The following PRKCB variants were observed in gnomAD, a reference collection of about 807,000 sequenced individuals.
The protein encoded by PRKCB is protein kinase C beta type.
Under a neutral mutation model 81.5 loss-of-function variants are expected in PRKCB, and 13 were observed. The observed-to-expected ratio is 0.16, with a 90% CI of 0.10 to 0.25. The LOEUF (loss-of-function observed/expected upper bound fraction) is 0.25, where lower values mean the gene tolerates loss of function less well. PRKCB is among the 10% of genes least tolerant of loss of function. PRKCB has a pLI of 1.00. For synonymous variants in PRKCB, 335 were observed against 321.4 expected (o/e 1.04, Z -0.45); for missense variants, 509 against 875.7 (o/e 0.58, Z 5.29).
chr16:24,116,227 A>G (rs1273526566), intron 8 of PRKCB, among the ~76,000 whole-genome samples: 1 of 152,068 alleles, frequency 6.6e-6, no homozygotes, highest in Non-Finnish European at 1.5e-5. Flanking sequence ...GAAAGAAACA[A>G]ACTATCAAGT....
chr16:24,210,602 G>C (rs916493666), intron 16 of PRKCB, among the ~76,000 whole-genome samples: 2 of 151,624 alleles, frequency 1.3e-5, no homozygotes, highest in Admixed American at 6.6e-5. Context: ...GGGCTCAAGT[G>C]ATCCCCCCAC....
intron 9 of PRKCB, among the ~76,000 whole-genome samples, chr16:24,131,750 T>C (rs573762908): frequency 6.6e-5 from 10 of 152,332 alleles, no homozygotes. Flanking sequence ...TATATATTTA[T>C]TTTAATGTGT....
intron 9 of PRKCB, among the ~76,000 whole-genome samples, chr16:24,147,501 C>T (rs1054441343): frequency 6.6e-6 from 1 of 152,036 alleles, no homozygotes; most frequent in Admixed American, 6.5e-5. Context: ...CATGAATGCA[C>T]ACCAAGCTCA....
At chr16:24,147,280 C>A (rs1242782653) in intron 9 of PRKCB, among the ~76,000 whole-genome samples, 3 of 143,688 alleles carry the variant, frequency 2.1e-5, no homozygotes, top group Middle Eastern at 3.8e-3. Flanking sequence ...TGCACTCCAG[C>A]CTGGGCAACA....
intron 5 of PRKCB, among the ~76,000 whole-genome samples, chr16:24,081,525 C>T (rs1412685181): frequency 6.6e-6 from 1 of 152,118 alleles, no homozygotes; most frequent in East Asian, 1.9e-4. Context: ...TCATCCTCCC[C>T]AGTCCTATTC....
At chr16:23,877,979 A>G (rs2141105484) in intron 2 of PRKCB, among the ~76,000 whole-genome samples, 1 of 152,166 alleles carries the variant, frequency 6.6e-6, no homozygotes, top group East Asian at 1.9e-4. Context: ...GACTACAGGC[A>G]TGCACCACCA....
intron 2 of PRKCB, among the ~76,000 whole-genome samples, chr16:23,906,475 T>G (rs1175243268): frequency 6.6e-6 from 1 of 152,182 alleles, no homozygotes; most frequent in Non-Finnish European, 1.5e-5. Context: ...AAAAAGTGAT[T>G]TATTATGGAT....
intron 5 of PRKCB, among the ~76,000 whole-genome samples, chr16:24,087,582 T>G (rs1966324055): frequency 1.3e-5 from 2 of 152,212 alleles, no homozygotes; most frequent in African/African-American, 4.8e-5. Context: ...AAAGCAAGAC[T>G]CACAATATTG....
chr16:24,030,790 C>T (rs1031808188), intron 3 of PRKCB, among the ~76,000 whole-genome samples: 6 of 151,570 alleles, frequency 4.0e-5, no homozygotes, highest in Non-Finnish European at 5.9e-5. Flanking sequence ...CCCAGCTACT[C>T]GGGAGGCTGA....
chr16:24,001,687 A>G lies in PRKCB; in HGVS notation c.288+13097A>G, dbSNP rs146984423. On this transcript the variant is annotated intron_variant, in intron 3 of 16. Coordinates refer to ENST00000643927, the MANE Select transcript of PRKCB (RefSeq NM_002738.7). Reference sequence around the variant, plus strand: ...CTTTTCTTCTCGTAAAACCCCAGACAAATATGTTTCATGGGTAAAACTTCT... The same window carrying G: ...CTTTTCTTCTCGTAAAACCCCAGACGAATATGTTTCATGGGTAAAACTTCT... Among the ~76,000 whole-genome samples, 5 of 152,346 alleles carry G rather than the reference A, an allele frequency of 3.3e-5. No homozygotes were observed. The East Asian group carries it at 9.6e-4, about 29-fold the overall frequency.
intron 11 of PRKCB, among the ~76,000 whole-genome samples, chr16:24,172,891 A>G (rs913119752): frequency 6.6e-6 from 1 of 152,164 alleles, no homozygotes; most frequent in African/African-American, 2.4e-5. Context: ...ACTTACTATA[A>G]GCCAGGCCCT....
rs891854329 is a variant in PRKCB at position 23,956,295 on chromosome 16, AT to A, written c.206-32203del. ...ACCACGTCCAGCTAATTTTTGTAAT[AT>A]TTTTTTTTTGTAGAGATGGGGTTTT... is the stretch of plus-strand genomic sequence containing the variant. On this transcript the variant is annotated intron_variant, in intron 2 of 16. Transcript: ENST00000643927. Among the ~76,000 whole-genome samples the A allele has an allele frequency of 6.9e-3, 1,018 of 148,342 alleles. 10 individuals are homozygous for A. The highest frequency in any genetic ancestry group is 0.022 in the African/African-American group (909 of 40,506).
intron 3 of PRKCB, among the ~76,000 whole-genome samples, chr16:24,000,663 C>T (rs989910489): frequency 6.6e-6 from 1 of 152,172 alleles, no homozygotes; most frequent in South Asian, 2.1e-4. Flanking sequence ...GCATAGCAAG[C>T]CCTTGGTACA....
intron 5 of PRKCB, among the ~76,000 whole-genome samples, chr16:24,052,526 A>G (rs559628735): frequency 5.9e-5 from 9 of 152,326 alleles, no homozygotes; most frequent in African/African-American, 1.9e-4. Context: ...TCCTGATTAT[A>G]TGCTAAAAAA....
chr16:24,113,420 TTTC>T (rs1229127715), intron 8 of PRKCB, among the ~76,000 whole-genome samples: 2 of 150,312 alleles, frequency 1.3e-5, no homozygotes, highest in African/African-American at 5.0e-5. Flanking sequence ...CCTCTCATTC[TTTC>T]TTTTCTTTCT....
chr16:23,857,526 G>T (rs1962589868), intron 2 of PRKCB, among the ~76,000 whole-genome samples: 1 of 152,162 alleles, frequency 6.6e-6, no homozygotes. Flanking sequence ...ATGTTCTCTG[G>T]TGTGCCTGAT....
intron 2 of PRKCB, among the ~76,000 whole-genome samples, chr16:23,980,953 C>T (rs754235526): frequency 9.9e-5 from 15 of 151,804 alleles, no homozygotes; most frequent in African/African-American, 1.7e-4. Flanking sequence ...CAGAAACATC[C>T]GAGAGGGCCC....
chr16:24,210,021 T>G (rs1298804153), intron 16 of PRKCB, among the ~76,000 whole-genome samples: 2 of 151,848 alleles, frequency 1.3e-5, no homozygotes, highest in Non-Finnish European at 2.9e-5. Context: ...GAGGCTAAAG[T>G]GGGAGGATTG....
chr16:24,069,395 G>A (rs1230513330), intron 5 of PRKCB, among the ~76,000 whole-genome samples: 1 of 152,180 alleles, frequency 6.6e-6, no homozygotes, highest in African/African-American at 2.4e-5. Flanking sequence ...GTTTGGCCCG[G>A]AAGAGGCTGA....
Sources: allele counts gnomAD v4.1 joint callset (sites outside exome capture counted in the v4.1 genomes callset), GRCh38; gene constraint gnomAD v4.1.1; transcripts MANE v1.5; gene names NCBI Gene and HGNC (gene_info 2026-07-23, HGNC 2026-07-21).